The following TRMT1L variants were observed in gnomAD, a reference collection of about 807,000 sequenced individuals.
The protein encoded by TRMT1L is tRNA methyltransferase 1L, also known as tRNA (guanine(27)-N(2))-dimethyltransferase.
A neutral mutation model predicts 81.6 loss-of-function variants in TRMT1L; 28 were observed. The ratio of observed to expected loss-of-function variants is 0.34; its 90% CI spans 0.25 to 0.47. The LOEUF (loss-of-function observed/expected upper bound fraction) is 0.47, where lower values mean the gene tolerates loss of function less well. Among genes scored for constraint, TRMT1L ranks in the 20% least tolerant of loss-of-function variants. The probability of loss-of-function intolerance (pLI) is 1.00; values close to 1 mark genes in which losing one functional copy is unlikely to be tolerated. For missense variants in TRMT1L, 739 were observed against 877.1 expected (o/e 0.84, Z 1.99); for synonymous variants, 301 against 303.2 (o/e 0.99, Z 0.07).
At position 185,156,666 on chromosome 1, in the gene TRMT1L, T is replaced by G. The variant is rs1653598543; in HGVS notation, c.47A>C (p.Glu16Ala). 4 of 1,611,660 alleles carry G rather than the reference T, an allele frequency of 2.5e-6. No individual in the cohort carries two copies. Among genetic ancestry groups the G allele is most frequent in the Non-Finnish European group, 3.4e-6 (4 of 1,179,460 alleles). Residue 16 changes from glutamate (E) to alanine (A), a missense_variant, in exon 1 of 15, where the codon GAG becomes GCG. Around this residue, in one of 4 missense-constraint regions of TRMT1L, gnomAD observed 209 missense variants for 165.4 expected, o/e 1.26. Transcript: ENST00000367506. The part of the protein sequence containing the change: ...EEELLPLEKE[E>A]VEVAQVQVPT... ...GACCTGGACCTGGGCCACCTCCACC[T>G]CCTCCTTCTCCAGGGGCAGCAGCTC...
intron 11 of TRMT1L, among the ~76,000 whole-genome samples, chr1:185,128,371 A>G (rs1652687187): frequency 1.3e-5 from 2 of 152,326 alleles, no homozygotes; most frequent in African/African-American, 4.8e-5. Flanking sequence ...ACAATGATCA[A>G]TTTTAAAAAG....
chr1:185,145,511 T>C lies in TRMT1L; in HGVS notation c.583A>G (p.Arg195Gly), dbSNP rs749646628. The C allele has an allele frequency of 6.8e-6, 11 of 1,612,148 alleles. No homozygotes were observed. The highest frequency in any genetic ancestry group is 2.5e-6 in the Non-Finnish European group (3 of 1,178,724). ...ACATGTCCTAGCATATCAGTTCTTC[T>C]GGTGATTGTTGCTGAACAAATGATA... Reference protein sequence around the residue: ...HCIICSATITRRTDMLGHVRR... With the variant: ...HCIICSATITGRTDMLGHVRR... Residue 195 changes from arginine to glycine, a missense_variant, in exon 5 of 15, where the codon AGA (arginine) becomes GGA (glycine). Transcript: ENST00000367506.
chr1:185,138,871 G>T (rs756593929), intron 9 of TRMT1L, among the ~76,000 whole-genome samples: 5 of 152,180 alleles, frequency 3.3e-5, no homozygotes, highest in Non-Finnish European at 7.4e-5. Flanking sequence ...ACTGCAGCAT[G>T]TGGCTCCTGG....
rs1253530612 is a variant in TRMT1L at position 185,119,397 on chromosome 1, T to C, written c.*622A>G. 3.3e-5 allele frequency: 5 copies of C among 152,220 alleles called. No homozygotes were observed. Among genetic ancestry groups the C allele is most frequent in the Non-Finnish European group, 7.3e-5 (5 of 68,028 alleles). 9.4% of individuals were successfully genotyped at this position (152,220 alleles called of 1,614,324 possible). On this transcript the variant is annotated 3_prime_UTR_variant, in exon 15 of 15. Transcript: ENST00000367506. ...AATCTTACTTTGAAGTTTAGTCATTTAGACCTTAAAGTTACAAAAATAAAG... is the reference window on the plus strand; with the variant it reads ...AATCTTACTTTGAAGTTTAGTCATTCAGACCTTAAAGTTACAAAAATAAAG...
chr1:185,156,349 T>G, intron 1 of TRMT1L, 129 bp downstream of exon 1: 1 of 1,601,870 alleles, frequency 6.2e-7, no homozygotes, highest in South Asian at 1.1e-5. Context: ...GGCCCCTCTT[T>G]CCTCCCCACC....
rs1221727973 is a variant in TRMT1L at position 185,139,350 on chromosome 1, T to A, written c.1322+17A>T. ...AAATACTGAAACACACTAAGTACACTGTTGGCAATTTGGTACCTTGCCACT... is the reference window on the plus strand; with the variant it reads ...AAATACTGAAACACACTAAGTACACAGTTGGCAATTTGGTACCTTGCCACT... On this transcript the variant is annotated intron_variant, in intron 9 of 14. Transcript: ENST00000367506. The A allele has an allele frequency of 6.2e-7, 1 of 1,605,004 alleles. No individual in the cohort carries two copies.
rs1255194015 is a variant in TRMT1L, at chr1:185,150,480, G to A, written c.359C>T (p.Ala120Val). Residue 120 changes from alanine to valine, a missense_variant, in exon 3 of 15, where the codon GCT (alanine) becomes GTT (valine). Ala to Val is a moderately conservative substitution (Grantham distance 64, BLOSUM62 0). Coordinates refer to ENST00000367506, the MANE Select transcript of TRMT1L (RefSeq NM_030934.5). ...SDNLDAGNRQ[A>V]CPLCPKEKFR... ...TTTTTCCTTAGGGCACAATGGACAA[G>A]CCTGTCTGTTGCCTTAAAAAGAAAA... is the stretch of plus-strand genomic sequence containing the variant. The A allele has an allele frequency of 2.5e-6, 4 of 1,612,380 alleles. No homozygotes were observed. The South Asian group carries it at 3.3e-5, about 13-fold the overall frequency.
chr1:185,153,250 T>A (rs930018589), intron 1 of TRMT1L, among the ~76,000 whole-genome samples: 1 of 152,208 alleles, frequency 6.6e-6, no homozygotes, highest in South Asian at 2.1e-4. Flanking sequence ...AAGTTTAACA[T>A]GTTCTGACTG....
intron 11 of TRMT1L, among the ~76,000 whole-genome samples, chr1:185,127,270 G>C (rs1480363909): frequency 6.6e-6 from 1 of 152,150 alleles, no homozygotes; most frequent in Non-Finnish European, 1.5e-5. Flanking sequence ...AGAACTAGAA[G>C]GTAGGGCTGG....
intron 7 of TRMT1L, among the ~76,000 whole-genome samples, chr1:185,142,425 A>T (rs528644777): frequency 1.3e-5 from 2 of 152,148 alleles, no homozygotes; most frequent in Non-Finnish European, 2.9e-5. Flanking sequence ...TACTCTTATA[A>T]TCTTTATAAA....
intron 4 of TRMT1L, among the ~76,000 whole-genome samples, 194 bp downstream of exon 4, chr1:185,146,987 GA>G (rs1364793691): frequency 6.6e-6 from 1 of 151,896 alleles, no homozygotes; most frequent in African/African-American, 2.4e-5. Flanking sequence ...ACTGTAAAAT[GA>G]GAACTTCAAT....
chr1:185,137,835 A>G, intron 9 of TRMT1L, 39 bp from the exon 10 acceptor site: 1 of 1,598,724 alleles, frequency 6.3e-7, no homozygotes, highest in Non-Finnish European at 8.5e-7. Context: ...TGGGCTTATC[A>G]TTTTCCCTTG....
chr1:185,121,865 G>A (rs1463518461), intron 13 of TRMT1L, among the ~76,000 whole-genome samples: 3 of 151,796 alleles, frequency 2.0e-5, no homozygotes, highest in African/African-American at 7.3e-5. Flanking sequence ...CTGGGGTTTG[G>A]GGTCCTAACA....
At chr1:185,150,568 A>C (rs1187012394) in intron 2 of TRMT1L, 76 bp from the exon 3 acceptor site, 23 of 997,886 alleles carry the variant, frequency 2.3e-5, no homozygotes, top group Non-Finnish European at 3.5e-5. Flanking sequence ...CAAAGAGGTT[A>C]ATGGGGGCTC....
intron 6 of TRMT1L, among the ~76,000 whole-genome samples, 161 bp downstream of exon 6, chr1:185,143,745 T>C (rs1188410756): frequency 6.6e-6 from 1 of 152,046 alleles, no homozygotes; most frequent in East Asian, 1.9e-4. Flanking sequence ...CATCGGCTTG[T>C]TAGAAAAAAA....
intron 9 of TRMT1L, among the ~76,000 whole-genome samples, chr1:185,138,786 G>C (rs532658572): frequency 4.6e-4 from 70 of 152,224 alleles, no homozygotes; most frequent in African/African-American, 1.6e-3. Flanking sequence ...GGATATAAAA[G>C]AAATGACTGT....
chr1:185,128,364 A>C (rs1041536939), intron 11 of TRMT1L, among the ~76,000 whole-genome samples: 7 of 152,268 alleles, frequency 4.6e-5, no homozygotes, highest in African/African-American at 1.4e-4. Context: ...TAGATCTACA[A>C]TGATCAATTT....
intron 13 of TRMT1L, among the ~76,000 whole-genome samples, chr1:185,121,970 C>CT (rs2102226678): frequency 6.6e-6 from 1 of 151,988 alleles, no homozygotes; most frequent in East Asian, 1.9e-4. Flanking sequence ...TCCCCAGTGT[C>CT]TATTATTCCC....
At chr1:185,138,563 T>A (rs1177153524) in intron 9 of TRMT1L, among the ~76,000 whole-genome samples, 2 of 152,130 alleles carry the variant, frequency 1.3e-5, no homozygotes, top group Admixed American at 6.5e-5. Flanking sequence ...ATATTCACAA[T>A]ATCCGTTTAT....
Sources: gnomAD v4.1 joint callset for allele counts (sites outside exome capture counted in the v4.1 genomes callset) on GRCh38, gnomAD v4.1.1 for gene constraint, gnomAD v4.1.1 regional missense constraint, MANE v1.5 for transcripts, NCBI Gene and HGNC (gene_info 2026-07-23, HGNC 2026-07-21) for gene names.